Variants in NLGN4X observed in about 807,000 individuals in gnomAD.
NLGN4X encodes neuroligin-4, X-linked.
Under a neutral mutation model 40.3 loss-of-function variants are expected in NLGN4X, and 3 were observed. The observed-to-expected ratio is 0.07, with a 90% CI of 0.03 to 0.19. NLGN4X has a LOEUF of 0.19. NLGN4X is among the 10% of genes least tolerant of loss of function. NLGN4X has a pLI of 1.00. For missense variants in NLGN4X, 382 were observed against 708.3 expected (o/e 0.54, Z 5.23); for synonymous variants, 270 against 306.8 (o/e 0.88, Z 1.25).
chrX:5,920,291 G>C (rs1251916320), intron 3 of NLGN4X, among the ~76,000 whole-genome samples: 1 of 112,461 alleles, frequency 8.9e-6, no homozygotes, highest in Non-Finnish European at 1.9e-5. Context: ...TAGGCAAAGT[G>C]AGTTCACACT....
chrX:6,208,715 C>G lies in NLGN4X; in HGVS notation c.-306+19826G>C, dbSNP rs1389028283. ...GACTGTCTGCAGACATTGTGGATGT[C>G]AAACTCAAAACATAACAGAGGTTGA... is the stretch of plus-strand genomic sequence containing the variant. On this transcript the variant is annotated intron_variant, in intron 1 of 5. Coordinates refer to ENST00000381095, the MANE Select transcript of NLGN4X (RefSeq NM_181332.3). Among the ~76,000 whole-genome samples the G allele has an allele frequency of 2.7e-5, 3 of 111,805 alleles. No individual in the cohort carries two copies. The East Asian group carries it at 8.4e-4, about 31-fold the overall frequency.
chrX:5,933,359 A>C (rs1335189636), intron 3 of NLGN4X, among the ~76,000 whole-genome samples: 2 of 110,254 alleles, frequency 1.8e-5, no homozygotes. Context: ...ATTCTTGGAA[A>C]TATCTACTTA....
At chrX:5,998,150 C>G (rs1304025610) in intron 3 of NLGN4X, among the ~76,000 whole-genome samples, 1 of 111,163 alleles carries the variant, frequency 9.0e-6, no homozygotes, top group Non-Finnish European at 1.9e-5. Context: ...TGGCTCACAC[C>G]TGTAATCCCA....
intron 1 of NLGN4X, among the ~76,000 whole-genome samples, 186 bp downstream of exon 1, chrX:6,228,355 G>A (rs1926565166): frequency 8.9e-6 from 1 of 112,014 alleles, no homozygotes; most frequent in Non-Finnish European, 1.9e-5. Flanking sequence ...ACAGATGGGA[G>A]AAAGTCCTGT....
intron 2 of NLGN4X, among the ~76,000 whole-genome samples, chrX:6,117,064 C>G (rs1194417605): frequency 9.0e-6 from 1 of 111,180 alleles, no homozygotes; most frequent in Non-Finnish European, 1.9e-5. Context: ...ATGGGATTAG[C>G]CGTTCACCTT....
chrX:6,001,982 G>C (rs1440009106), intron 3 of NLGN4X, among the ~76,000 whole-genome samples: 2 of 111,574 alleles, frequency 1.8e-5, no homozygotes, highest in East Asian at 2.8e-4. Flanking sequence ...TAAGACACTT[G>C]AAAGAACTAG....
intron 3 of NLGN4X, among the ~76,000 whole-genome samples, chrX:6,024,601 C>A (rs976573898): frequency 9.0e-6 from 1 of 110,833 alleles, no homozygotes; most frequent in Non-Finnish European, 1.9e-5. Flanking sequence ...CCGAAACCCA[C>A]CAAAACCAAG....
At chrX:6,190,864 C>T (rs1369427725) in intron 1 of NLGN4X, among the ~76,000 whole-genome samples, 2 of 111,457 alleles carry the variant, frequency 1.8e-5, no homozygotes, top group Admixed American at 1.9e-4. Context: ...AGAAAATGGA[C>T]TTCCGGTGAG....
chrX:6,023,726 T>C (rs1449146029), intron 3 of NLGN4X, among the ~76,000 whole-genome samples: 1 of 112,212 alleles, frequency 8.9e-6, no homozygotes, highest in Non-Finnish European at 1.9e-5. Context: ...TGTTACATAG[T>C]TGGGACTCTT....
chrX:5,996,849 G>A (rs1361524242), intron 3 of NLGN4X, among the ~76,000 whole-genome samples: 3 of 110,695 alleles, frequency 2.7e-5, no homozygotes, highest in Admixed American at 9.7e-5. Flanking sequence ...CGCCGGCCTC[G>A]GCCTCCCAAA....
At chrX:6,042,124 T>A (rs766916472) in intron 2 of NLGN4X, among the ~76,000 whole-genome samples, 1 of 112,352 alleles carries the variant, frequency 8.9e-6, no homozygotes, top group African/African-American at 3.2e-5. Flanking sequence ...TCAAAAATGC[T>A]TCATTGTAAT....
At chrX:6,110,027 G>GA (rs2039113249) in intron 2 of NLGN4X, among the ~76,000 whole-genome samples, 1 of 110,971 alleles carries the variant, frequency 9.0e-6, no homozygotes, top group African/African-American at 3.3e-5. Flanking sequence ...CACAGAAAAG[G>GA]AAAATCACAG....
At chrX:5,951,049 C>T (rs1378661520) in intron 3 of NLGN4X, among the ~76,000 whole-genome samples, 1 of 112,125 alleles carries the variant, frequency 8.9e-6, no homozygotes, top group Admixed American at 9.5e-5. Flanking sequence ...TCACCTACAT[C>T]CAAAATCATG....
chrX:6,116,777 G>A (rs752026819), intron 2 of NLGN4X, among the ~76,000 whole-genome samples: 11 of 110,731 alleles, frequency 9.9e-5, no homozygotes, highest in Non-Finnish European at 1.9e-4. Flanking sequence ...TGATCCGCCC[G>A]TCTCAGCCTC....
intron 2 of NLGN4X, among the ~76,000 whole-genome samples, chrX:6,082,179 T>C (rs2147406303): frequency 8.9e-6 from 1 of 112,308 alleles, no homozygotes; most frequent in Admixed American, 9.4e-5. Flanking sequence ...TTCATGCATT[T>C]ATCAATCCAG....
At chrX:5,974,693 G>A (rs1178317792) in intron 3 of NLGN4X, among the ~76,000 whole-genome samples, 1 of 111,239 alleles carries the variant, frequency 9.0e-6, no homozygotes, top group Non-Finnish European at 1.9e-5. Context: ...ACCCACGGGG[G>A]ACACGTACCA....
At chrX:6,195,086 A>G (rs1052793314) in intron 1 of NLGN4X, among the ~76,000 whole-genome samples, 7 of 111,978 alleles carry the variant, frequency 6.3e-5, no homozygotes, top group African/African-American at 1.6e-4. Flanking sequence ...TGCTGCACCT[A>G]TCAACCCGTC....
At chrX:5,943,177 T>C (rs1010138816) in intron 3 of NLGN4X, among the ~76,000 whole-genome samples, 8 of 110,823 alleles carry the variant, frequency 7.2e-5, no homozygotes, top group African/African-American at 2.3e-4. Context: ...ACTGCTGGCT[T>C]TGAAGGGGGA....
At chrX:5,900,948 A>C (rs927890436) in intron 5 of NLGN4X, among the ~76,000 whole-genome samples, 4 of 111,471 alleles carry the variant, frequency 3.6e-5, no homozygotes, top group African/African-American at 1.3e-4. Flanking sequence ...TTTACTTTAA[A>C]AAAAGTATTA....
Sources: gnomAD v4.1 joint callset for allele counts (sites outside exome capture counted in the v4.1 genomes callset) on GRCh38, gnomAD v4.1.1 for gene constraint, MANE v1.5 for transcripts, NCBI Gene and HGNC (gene_info 2026-07-23, HGNC 2026-07-21) for gene names.